DNM3: variants seen among roughly 807,000 people sequenced by gnomAD.
The protein encoded by DNM3 is dynamin-3.
Under a neutral mutation model 101.6 loss-of-function variants are expected in DNM3, and 47 were observed. The ratio of observed to expected loss-of-function variants is 0.46; its 90% CI spans 0.37 to 0.59. The LOEUF (loss-of-function observed/expected upper bound fraction) is 0.59. Ranked by LOEUF, DNM3 falls within the 20% of genes least tolerant of loss-of-function variation. The probability of loss-of-function intolerance (pLI) is 0.00; values close to 1 mark genes in which losing one functional copy is unlikely to be tolerated. For synonymous variants in DNM3, 385 were observed against 387.9 expected (o/e 0.99, Z 0.09); for missense variants, 849 against 1,085.7 (o/e 0.78, Z 3.06).
intron 14 of DNM3, among the ~76,000 whole-genome samples, chr1:172,213,706 G>A (rs1430752703): frequency 6.6e-6 from 1 of 151,642 alleles, no homozygotes. Context: ...GCAGGTGGCT[G>A]TAATCCCAGC....
At chr1:172,127,888 C>T (rs1184933420) in intron 13 of DNM3, among the ~76,000 whole-genome samples, 1 of 152,180 alleles carries the variant, frequency 6.6e-6, no homozygotes, top group Non-Finnish European at 1.5e-5. Context: ...TCTCCCCAGT[C>T]ACTGTCTCCA....
intron 1 of DNM3, among the ~76,000 whole-genome samples, chr1:171,847,884 C>CTGTG (rs1337751054): frequency 2.1e-3 from 89 of 42,462 alleles, no homozygotes; most frequent in African/African-American, 8.6e-3. Flanking sequence ...TAATTACTCT[C>CTGTG]TCTCTCTCTC....
intron 17 of DNM3, among the ~76,000 whole-genome samples, chr1:172,365,797 CAA>C (rs1274209332): frequency 1.3e-5 from 2 of 151,844 alleles, no homozygotes; most frequent in African/African-American, 4.8e-5. Flanking sequence ...TAGATGAGCG[CAA>C]AGAGATGAGT....
intron 14 of DNM3, among the ~76,000 whole-genome samples, chr1:172,240,901 T>C (rs2061723633): frequency 6.6e-6 from 1 of 152,144 alleles, no homozygotes; most frequent in Non-Finnish European, 1.5e-5. Flanking sequence ...GCATTTGAAA[T>C]GGGCTAATTT....
rs546797767 is a variant in DNM3, at chr1:172,039,246, C to T, written c.992+785C>T. ...TGCCCAGCACACACTGCAGGATACC[C>T]AAGGTCTACCTCCGAAGATGATGTT... On this transcript the variant is annotated intron_variant, in intron 7 of 20. Coordinates refer to ENST00000627582, the MANE Select transcript of DNM3 (RefSeq NM_015569.5). Among the ~76,000 whole-genome samples the T allele has an allele frequency of 2.0e-5, 3 of 152,222 alleles. No individual in the cohort carries two copies. The East Asian group carries it at 5.8e-4, about 30-fold the overall frequency.
chr1:171,987,173 A>G (rs2045324154), intron 2 of DNM3: 1 of 329,448 alleles, frequency 3.0e-6, no homozygotes, highest in African/African-American at 2.2e-5. Flanking sequence ...AAAGGATTCC[A>G]TATATTATTT....
intron 4 of DNM3, among the ~76,000 whole-genome samples, chr1:171,996,564 A>G (rs1427261666): frequency 1.3e-5 from 2 of 152,086 alleles, no homozygotes; most frequent in Non-Finnish European, 2.9e-5. Context: ...TAAATGATGT[A>G]GATAAAAATA....
At chr1:172,177,803 G>A (rs1046800111) in intron 14 of DNM3, among the ~76,000 whole-genome samples, 4 of 151,820 alleles carry the variant, frequency 2.6e-5, no homozygotes, top group African/African-American at 7.2e-5. Context: ...CACAATCTGA[G>A]AGAAATGTCT....
At chr1:172,204,661 C>A (rs1463008284) in intron 14 of DNM3, among the ~76,000 whole-genome samples, 1 of 152,152 alleles carries the variant, frequency 6.6e-6, no homozygotes, top group Non-Finnish European at 1.5e-5. Flanking sequence ...GTGGGTGTAT[C>A]TTTCTCCTTC....
At chr1:171,858,997 A>G (rs1203731174) in intron 1 of DNM3, among the ~76,000 whole-genome samples, 1 of 152,184 alleles carries the variant, frequency 6.6e-6, no homozygotes, top group Non-Finnish European at 1.5e-5. Flanking sequence ...CAGCCATAGC[A>G]TAATTGATAT....
chr1:172,202,855 A>T (rs2060200272), intron 14 of DNM3, among the ~76,000 whole-genome samples: 1 of 152,194 alleles, frequency 6.6e-6, no homozygotes, highest in Non-Finnish European at 1.5e-5. Context: ...TGCTTGAGAA[A>T]AGGTTGACTG....
At chr1:172,136,435 G>A (rs1048358816) in intron 14 of DNM3, 7 of 152,092 alleles carry the variant, frequency 4.6e-5, no homozygotes, top group Non-Finnish European at 7.4e-5. Flanking sequence ...GAAAAGGTCA[G>A]CGTCGACCCT....
At chr1:172,174,348 G>T (rs2059077107) in intron 14 of DNM3, among the ~76,000 whole-genome samples, 1 of 151,542 alleles carries the variant, frequency 6.6e-6, no homozygotes, top group Non-Finnish European at 1.5e-5. Flanking sequence ...CCAAGGTTTT[G>T]AGACCTGTCC....
rs74126007 is a variant in DNM3, at chr1:172,132,750, T to C, written c.1659+1462T>C. On this transcript the variant is annotated intron_variant, in intron 14 of 20. Coordinates refer to ENST00000627582, the MANE Select transcript of DNM3 (RefSeq NM_015569.5). ...GGAATCATAACAGTGATGGCTAGTGTTTTATATGTATTAATTAACTCATTT... is the reference window on the plus strand; with the variant it reads ...GGAATCATAACAGTGATGGCTAGTGCTTTATATGTATTAATTAACTCATTT... 2,162 of 597,908 alleles carry C rather than the reference T, an allele frequency of 3.6e-3. 40 individuals carry two copies. The African/African-American group carries it at 0.036, about 10-fold the overall frequency. The allele number at this position is 597,908 out of a possible 1,614,324, so 37.0% of individuals were successfully genotyped here. A position where few individuals can be genotyped will look rare whatever the true frequency, so the allele number is the denominator to read the frequency against.
intron 1 of DNM3, among the ~76,000 whole-genome samples, chr1:171,910,740 T>C (rs965603549): frequency 2.0e-5 from 3 of 152,218 alleles, no homozygotes; most frequent in Non-Finnish European, 2.9e-5. Context: ...GCTAATATAT[T>C]TGACTACTTA....
At chr1:172,319,392 T>A (rs952005493) in intron 16 of DNM3, among the ~76,000 whole-genome samples, 5 of 151,934 alleles carry the variant, frequency 3.3e-5, no homozygotes, top group Non-Finnish European at 7.4e-5. Flanking sequence ...ACAAATGAGA[T>A]CTAATTAAAC....
intron 14 of DNM3, among the ~76,000 whole-genome samples, chr1:172,217,752 G>GA (rs1029587411): frequency 1.6e-4 from 25 of 152,082 alleles, no homozygotes; most frequent in Middle Eastern, 3.4e-3. Flanking sequence ...TTCCTCTCAG[G>GA]AAAAAGACTG....
At chr1:172,055,436 C>A (rs1053194637) in intron 10 of DNM3, among the ~76,000 whole-genome samples, 6 of 151,686 alleles carry the variant, frequency 4.0e-5, no homozygotes, top group African/African-American at 1.2e-4. Context: ...ACACACACAC[C>A]ACACATGCAC....
intron 14 of DNM3, among the ~76,000 whole-genome samples, chr1:172,243,865 C>CT (rs560251585): frequency 5.3e-5 from 8 of 151,414 alleles, no homozygotes; most frequent in African/African-American, 1.5e-4. Flanking sequence ...GTTATAACTT[C>CT]TTTTTTTTTA....
Sources: allele counts gnomAD v4.1 joint callset (sites outside exome capture counted in the v4.1 genomes callset), GRCh38; gene constraint gnomAD v4.1.1; transcripts MANE v1.5; gene names NCBI Gene and HGNC (gene_info 2026-07-23, HGNC 2026-07-21).